The following PADI4 variants were observed in gnomAD, a reference collection of about 807,000 sequenced individuals.
The protein encoded by PADI4 is peptidyl arginine deiminase 4, also known as protein-arginine deiminase type-4.
A neutral mutation model predicts 75.0 loss-of-function variants in PADI4; 62 were observed. The ratio of observed to expected loss-of-function variants is 0.83; its 90% CI spans 0.67 to 1.02. PADI4 has a LOEUF of 1.02. Ranked by LOEUF, PADI4 falls within the 50% of genes least tolerant of loss-of-function variation. PADI4 has a pLI of 0.00. For missense variants in PADI4, 845 were observed against 850.5 expected, an observed-to-expected ratio of 0.99 and a Z score of 0.08; for synonymous variants, 361 against 348.1, an observed-to-expected ratio of 1.04 and a Z score of -0.41.
intron 15 of PADI4, among the ~76,000 whole-genome samples, chr1:17,362,351 C>CA (rs34897407): frequency 0.014 from 1,530 of 107,142 alleles, 20 homozygotes; most frequent in African/African-American, 0.043. Flanking sequence ...GACCCTGTCT[C>CA]AAAAAAAAAA....
At chr1:17,337,952 G>T in intron 4 of PADI4, 86 bp from the exon 5 acceptor site, 1 of 607,064 alleles carries the variant, frequency 1.6e-6, no homozygotes, top group Admixed American at 2.7e-5. Context: ...TTAAAAAAGA[G>T]GTGATGGGGA....
In PADI4 at chr1:17,346,198, G is replaced by A; in HGVS notation, c.1047+59G>A. 1 of 1,125,162 alleles carries A rather than the reference G, an allele frequency of 8.9e-7. No homozygotes were observed. The highest frequency in any genetic ancestry group is 1.3e-6 in the Non-Finnish European group (1 of 746,322). The allele number at this position is 1,125,162 out of a possible 1,614,324, so 69.7% of individuals were successfully genotyped here. ...CCCTGAGGGCCAAGAGACACTTGGG[G>A]GACCCGGGCTCCTGGGGTTCAGCCT... On this transcript the variant is annotated intron_variant, in intron 9 of 15. Coordinates refer to ENST00000375448, the MANE Select transcript of PADI4 (RefSeq NM_012387.3). This position sits in a 1 kb window ranked among gnomAD's most constrained non-coding sequence, Gnocchi z 4.3.
At position 17,318,130 on chromosome 1, in the gene PADI4, A is replaced by T. The variant is rs150065397; in HGVS notation, c.92+9816A>T. On this transcript the variant is annotated intron_variant, in intron 1 of 15. Transcript: ENST00000375448. ...TTTAACAAATTCCCCAGTGAGGCAG[A>T]TGCTGCTGTTCCGAAGACCACACTT... Among the ~76,000 whole-genome samples the T allele has an allele frequency of 5.5e-3, 841 of 152,346 alleles. 10 individuals are homozygous for T. Among genetic ancestry groups the T allele is most frequent in the African/African-American group, 0.019 (805 of 41,584 alleles).
intron 1 of PADI4, among the ~76,000 whole-genome samples, chr1:17,318,665 G>A (rs1005677773): frequency 1.3e-5 from 2 of 150,836 alleles, no homozygotes; most frequent in Admixed American, 1.3e-4. Flanking sequence ...CACACAAGGC[G>A]AAAATTGGCA....
intron 3 of PADI4, chr1:17,334,261 A>G: frequency 2.0e-6 from 1 of 494,508 alleles, no homozygotes; most frequent in South Asian, 2.1e-5. Context: ...TTGCTTCTCA[A>G]GTTAGGAAGT....
chr1:17,351,201 GAAAA>G (rs61284318), intron 10 of PADI4, among the ~76,000 whole-genome samples: 14 of 76,818 alleles, frequency 1.8e-4, no homozygotes, highest in South Asian at 5.8e-4. Flanking sequence ...TGTCCCAGAG[GAAAA>G]AAAAAAAAAA....
chr1:17,357,106 CCA>C (rs2074774043), intron 13 of PADI4, among the ~76,000 whole-genome samples: 1 of 152,140 alleles, frequency 6.6e-6, no homozygotes, highest in Non-Finnish European at 1.5e-5. Flanking sequence ...GCAAAATGTT[CCA>C]GTGAACAAGT....
In PADI4 at chr1:17,317,176, T is replaced by A. The variant is rs528928722; in HGVS notation, c.92+8862T>A. Reference sequence around the variant, plus strand: ...TATGGACTCAAGCAATCCACTTGCCTCAGCTTCCCAAAGTGCTAGGGTTAC... The same window carrying A: ...TATGGACTCAAGCAATCCACTTGCCACAGCTTCCCAAAGTGCTAGGGTTAC... On this transcript the variant is annotated intron_variant, in intron 1 of 15. Transcript: ENST00000375448. Among the ~76,000 whole-genome samples the A allele has an allele frequency of 3.2e-4, 49 of 152,200 alleles. 2 individuals are homozygous for A. In the South Asian group the frequency reaches 6.2e-3, roughly 19 times the overall value.
intron 5 of PADI4, among the ~76,000 whole-genome samples, chr1:17,339,334 C>T (rs1015373510): frequency 2.0e-5 from 3 of 152,170 alleles, no homozygotes; most frequent in Non-Finnish European, 4.4e-5. Context: ...CTCAGCCGAG[C>T]GCCTGCCGCC....
chr1:17,321,004 T>C (rs1414318035), intron 1 of PADI4, among the ~76,000 whole-genome samples: 5 of 152,198 alleles, frequency 3.3e-5, no homozygotes, highest in African/African-American at 1.2e-4. Flanking sequence ...CTTTTCTGTG[T>C]AAGGTAACAT....
intron 11 of PADI4, 85 bp from the exon 12 acceptor site, chr1:17,355,898 G>T: frequency 7.1e-7 from 1 of 1,412,348 alleles, no homozygotes; most frequent in Admixed American, 1.7e-5. Context: ...GGAGAACCCT[G>T]ACCTTTTTGC....
intron 8 of PADI4, among the ~76,000 whole-genome samples, chr1:17,345,428 G>A (rs1385151135): frequency 6.6e-6 from 1 of 152,164 alleles, no homozygotes; most frequent in African/African-American, 2.4e-5. Context: ...GATTGGTTTT[G>A]AAATGTGAGG....
chr1:17,363,506 C>T lies in PADI4; in HGVS notation c.1759-16C>T. On this transcript the variant is annotated splice_polypyrimidine_tract_variant and intron_variant, in intron 15 of 15. Coordinates refer to ENST00000375448, the MANE Select transcript of PADI4 (RefSeq NM_012387.3). ...GCCCGCTGCTGCCTGTGACCTGAAC[C>T]CTCACTTCCCTGCAGGTGAACATGC... 6.3e-7 allele frequency: 1 copy of T among 1,585,798 alleles called. No homozygotes were observed.
At chr1:17,339,845 C>T in intron 6 of PADI4, 32 bp downstream of exon 6, 2 of 1,567,604 alleles carry the variant, frequency 1.3e-6, no homozygotes, top group Non-Finnish European at 1.7e-6. Flanking sequence ...TCCCCTCCTG[C>T]CCTGGCCAAC....
intron 13 of PADI4, among the ~76,000 whole-genome samples, chr1:17,357,350 G>A (rs1386204129): frequency 1.3e-5 from 2 of 151,974 alleles, no homozygotes; most frequent in African/African-American, 4.8e-5. Flanking sequence ...TGTATTTTTA[G>A]TAGAGATGGG....
intron 10 of PADI4, among the ~76,000 whole-genome samples, chr1:17,354,261 GT>G (rs1431372714): frequency 2.6e-5 from 4 of 151,950 alleles, no homozygotes; most frequent in African/African-American, 9.6e-5. Flanking sequence ...AAAAAATGAT[GT>G]TTTACAGATT....
At chr1:17,359,097 G>A (rs966327488) in intron 14 of PADI4, among the ~76,000 whole-genome samples, 183 bp from the exon 15 acceptor site, 1 of 152,132 alleles carries the variant, frequency 6.6e-6, no homozygotes, top group Non-Finnish European at 1.5e-5. Context: ...AGGCCCCAGG[G>A]TCCCCCGAGA....
chr1:17,350,439 G>A (rs2074598305), intron 10 of PADI4, among the ~76,000 whole-genome samples: 1 of 131,172 alleles, frequency 7.6e-6, no homozygotes, highest in Non-Finnish European at 1.7e-5. Context: ...GGATTAGCAG[G>A]TGTCAAGGAT....
chr1:17,351,629 A>C (rs1318937706), intron 10 of PADI4, among the ~76,000 whole-genome samples: 2 of 149,270 alleles, frequency 1.3e-5, no homozygotes, highest in Non-Finnish European at 3.0e-5. Flanking sequence ...AAAAAAAAAA[A>C]AAAGATTGCG....
Sources: gnomAD v4.1 joint callset for allele counts (sites outside exome capture counted in the v4.1 genomes callset) on GRCh38, gnomAD v4.1.1 for gene constraint, Gnocchi (gnomAD v3.1) non-coding constraint, MANE v1.5 for transcripts, NCBI Gene and HGNC (gene_info 2026-07-23, HGNC 2026-07-21) for gene names.